Variants in GPSM2 observed in about 807,000 individuals in gnomAD.
GPSM2 encodes G protein-signaling modulator 2.
GPSM2 carries 58 observed loss-of-function variants against 78.4 expected under a neutral mutation model. The observed-to-expected ratio is 0.74, with a 90% CI of 0.60 to 0.92. The LOEUF (loss-of-function observed/expected upper bound fraction) is 0.92, where lower values mean the gene tolerates loss of function less well. Among genes scored for constraint, GPSM2 ranks in the 40% least tolerant of loss-of-function variants. The pLI, the probability that GPSM2 is intolerant of heterozygous loss-of-function variation, is 0.00. For missense variants in GPSM2, 700 were observed against 815.5 expected (o/e 0.86, Z 1.73); for synonymous variants, 224 against 280.2 (o/e 0.80, Z 2.00).
intron 14 of GPSM2, among the ~76,000 whole-genome samples, chr1:108,924,964 T>A (rs1241619476): frequency 6.6e-6 from 1 of 152,146 alleles, no homozygotes; most frequent in Non-Finnish European, 1.5e-5. Context: ...GATTGTATGG[T>A]GATGCAGGCA....
At chr1:108,924,874 G>A (rs1651007063) in intron 14 of GPSM2, among the ~76,000 whole-genome samples, 1 of 152,158 alleles carries the variant, frequency 6.6e-6, no homozygotes, top group Non-Finnish European at 1.5e-5. Flanking sequence ...AAGGTACTGG[G>A]AGTGTCCTCA....
chr1:108,883,914 G>A (rs976240230), intron 1 of GPSM2, among the ~76,000 whole-genome samples: 5 of 152,038 alleles, frequency 3.3e-5, no homozygotes, highest in African/African-American at 1.2e-4. Context: ...TGTTGTTGTT[G>A]TTGTTTTGGT....
At chr1:108,891,753 C>T (rs1022866071) in intron 2 of GPSM2, among the ~76,000 whole-genome samples, 3 of 151,756 alleles carry the variant, frequency 2.0e-5, no homozygotes, top group South Asian at 2.1e-4. Context: ...GATCCACCCC[C>T]CCTTAGCCTC....
intron 10 of GPSM2, among the ~76,000 whole-genome samples, chr1:108,911,150 A>G (rs1307949782): frequency 6.6e-6 from 1 of 152,234 alleles, no homozygotes; most frequent in African/African-American, 2.4e-5. Flanking sequence ...TAGAAGATTC[A>G]TCATGCAAAA....
At chr1:108,894,669 G>A (rs1442205081) in intron 2 of GPSM2, among the ~76,000 whole-genome samples, 1 of 152,032 alleles carries the variant, frequency 6.6e-6, no homozygotes, top group Non-Finnish European at 1.5e-5. Context: ...CTGCACTCCA[G>A]CCTGAGTGAC....
intron 12 of GPSM2, among the ~76,000 whole-genome samples, chr1:108,921,887 CATT>C (rs1217010537): frequency 3.3e-5 from 5 of 152,086 alleles, no homozygotes; most frequent in African/African-American, 7.2e-5. Flanking sequence ...TTGTATTAAA[CATT>C]ATATTCATCA....
At chr1:108,891,150 G>A (rs1647937831) in intron 2 of GPSM2, among the ~76,000 whole-genome samples, 2 of 152,138 alleles carry the variant, frequency 1.3e-5, no homozygotes, top group Non-Finnish European at 2.9e-5. Flanking sequence ...TGTTACACTA[G>A]TTCCTCTGGT....
At chr1:108,918,191 AT>A (rs1557875996) in intron 11 of GPSM2, among the ~76,000 whole-genome samples, 1 of 152,088 alleles carries the variant, frequency 6.6e-6, no homozygotes, top group Admixed American at 6.5e-5. Context: ...GTACCGTTTT[AT>A]TTTTTAAAAT....
intron 11 of GPSM2, among the ~76,000 whole-genome samples, chr1:108,917,312 A>C (rs1382256791): frequency 6.6e-6 from 1 of 152,004 alleles, no homozygotes; most frequent in African/African-American, 2.4e-5. Context: ...TCACGCCTGT[A>C]ATCTCAGCAC....
rs1467196649 is a variant in GPSM2 at position 108,934,052 on chromosome 1, T to C, written c.*4112T>C. The C allele has an allele frequency of 6.6e-6, 1 of 152,302 alleles. No homozygotes were observed. Among genetic ancestry groups the C allele is most frequent in the Non-Finnish European group, 1.5e-5 (1 of 68,082 alleles). 9.4% of individuals were successfully genotyped at this position (152,302 alleles called of 1,614,324 possible). On this transcript the variant is annotated 3_prime_UTR_variant, in exon 15 of 15. Coordinates refer to ENST00000264126, the MANE Select transcript of GPSM2 (RefSeq NM_013296.5). ...AGATTACCAATATAACAAGCTATGT[T>C]ATCTAAATTGCCCTGGCAGTCTTCA... is the stretch of plus-strand genomic sequence containing the variant.
At chr1:108,913,081 G>T (rs1170211592) in intron 10 of GPSM2, among the ~76,000 whole-genome samples, 1 of 152,132 alleles carries the variant, frequency 6.6e-6, no homozygotes, top group East Asian at 1.9e-4. Context: ...GGAAACTCTT[G>T]TGTGGTATTG....
At chr1:108,878,989 A>T (rs1057364302) in intron 1 of GPSM2, among the ~76,000 whole-genome samples, 1 of 152,208 alleles carries the variant, frequency 6.6e-6, no homozygotes, top group Non-Finnish European at 1.5e-5. Context: ...GTGTCTCTGG[A>T]TTCCATTTGT....
chr1:108,898,019 T>G lies in GPSM2; in HGVS notation c.475T>G (p.Phe159Val). Residue 159 changes from phenylalanine to valine, a missense_variant, in exon 5 of 15, where the codon TTT (phenylalanine) becomes GTT (valine). Phe to Val is a conservative substitution (Grantham distance 50). Transcript: ENST00000264126. ...GNVYHAKGKS[F>V]GCPGPQDVGE... is the part of the protein sequence containing the mutation. The stretch of plus-strand genomic sequence containing the variant: ...TGTGTATCATGCCAAAGGGAAAAGT[T>G]TTGGTTGCCCTGGTCCCCAGGATGT... The G allele has an allele frequency of 6.2e-7, 1 of 1,613,914 alleles. No homozygotes were observed. The highest frequency in any genetic ancestry group is 2.2e-5 in the East Asian group (1 of 44,876).
At chr1:108,906,927 T>C (rs1320729070) in intron 10 of GPSM2, among the ~76,000 whole-genome samples, 1 of 152,136 alleles carries the variant, frequency 6.6e-6, no homozygotes, top group Non-Finnish European at 1.5e-5. Context: ...GTGCTGGGAT[T>C]ACAGGCATGA....
chr1:108,878,193 A>T (rs528578244), intron 1 of GPSM2, among the ~76,000 whole-genome samples: 2 of 152,234 alleles, frequency 1.3e-5, no homozygotes, highest in Admixed American at 6.5e-5. Context: ...GCTTTAGTTG[A>T]TTGTTTAGAA....
At position 108,931,682 on chromosome 1, in the gene GPSM2, A is replaced by G; in HGVS notation, c.*1742A>G. 1 of 724,266 alleles carries G rather than the reference A, an allele frequency of 1.4e-6. No homozygotes were observed. Among genetic ancestry groups the G allele is most frequent in the Non-Finnish European group, 2.0e-6 (1 of 487,902 alleles). The allele number at this position is 724,266 out of a possible 1,614,324, so 44.9% of individuals were successfully genotyped here. On this transcript the variant is annotated 3_prime_UTR_variant, in exon 15 of 15. Transcript: ENST00000264126. ...ACCTGGATTACATTATGTTTCATGT[A>G]TACTATAAGGTATGATGTCCTGGAT...
intron 10 of GPSM2, among the ~76,000 whole-genome samples, chr1:108,906,166 T>C (rs1158230867): frequency 7.1e-6 from 1 of 141,816 alleles, no homozygotes; most frequent in Non-Finnish European, 1.6e-5. Context: ...CAGGAAATAG[T>C]ATCACCATTC....
chr1:108,881,143 T>C (rs1665876932), intron 1 of GPSM2, among the ~76,000 whole-genome samples: 1 of 152,240 alleles, frequency 6.6e-6, no homozygotes, highest in Non-Finnish European at 1.5e-5. Flanking sequence ...GATCTTTCTA[T>C]ATGTCTCTGT....
chr1:108,922,990 A>T (rs2101545038), intron 13 of GPSM2, among the ~76,000 whole-genome samples: 1 of 152,274 alleles, frequency 6.6e-6, no homozygotes, highest in East Asian at 1.9e-4. Flanking sequence ...TGGGCAACAT[A>T]GTTAGACCCT....
Sources: allele counts gnomAD v4.1 joint callset (sites outside exome capture counted in the v4.1 genomes callset), GRCh38; gene constraint gnomAD v4.1.1; transcripts MANE v1.5; gene names NCBI Gene and HGNC (gene_info 2026-07-23, HGNC 2026-07-21).